The following DNAJC13 variants were observed in gnomAD, a reference collection of about 807,000 sequenced individuals.
DNAJC13 encodes the protein dnaJ homolog subfamily C member 13.
A neutral mutation model predicts 290.5 loss-of-function variants in DNAJC13; 75 were observed. The observed-to-expected ratio is 0.26, with a 90% CI of 0.21 to 0.31. The LOEUF (loss-of-function observed/expected upper bound fraction) is 0.31. Among genes scored for constraint, DNAJC13 ranks in the 10% least tolerant of loss-of-function variants. DNAJC13 has a pLI of 1.00. For missense variants in DNAJC13, 2,260 were observed against 2,674.5 expected, an observed-to-expected ratio of 0.85 and a Z score of 3.42; for synonymous variants, 862 against 892.0, an observed-to-expected ratio of 0.97 and a Z score of 0.60.
intron 8 of DNAJC13, 116 bp from the exon 9 acceptor site, chr3:132,453,950 A>T: frequency 5.7e-6 from 5 of 876,938 alleles, no homozygotes; most frequent in Non-Finnish European, 8.7e-6. Flanking sequence ...CTTATATTGT[A>T]AACAAGTCAC....
chr3:132,487,559 A>ATTTT (rs10663131), intron 29 of DNAJC13, among the ~76,000 whole-genome samples: 3,382 of 110,400 alleles, frequency 0.031, 126 homozygotes, highest in Middle Eastern at 0.064. Flanking sequence ...CCTGGCTGTA[A>ATTTT]TTTTTTTTTT....
rs531607673 is a variant in DNAJC13 at position 132,511,866 on chromosome 3, C to T, written c.5293+622C>T. On this transcript the variant is annotated intron_variant, in intron 44 of 55. Coordinates refer to ENST00000260818, the MANE Select transcript of DNAJC13 (RefSeq NM_015268.4). ...TGATACAAATTCAATTTAAATTACT[C>T]GATCTTTTAAAATAACATTGAACAT... Among the ~76,000 whole-genome samples, 7 of 152,114 alleles carry T rather than the reference C, an allele frequency of 4.6e-5. No individual in the cohort carries two copies. The East Asian group carries it at 5.8e-4, about 13-fold the overall frequency.
At chr3:132,438,474 A>G (rs1416922643) in intron 2 of DNAJC13, among the ~76,000 whole-genome samples, 1 of 152,262 alleles carries the variant, frequency 6.6e-6, no homozygotes, top group Non-Finnish European at 1.5e-5. Flanking sequence ...CTCTAGAAAC[A>G]TGTCTACGTA....
intron 1 of DNAJC13, among the ~76,000 whole-genome samples, chr3:132,427,844 C>T (rs1284413411): frequency 6.6e-6 from 1 of 152,142 alleles, no homozygotes; most frequent in Non-Finnish European, 1.5e-5. Context: ...CCCTTCGGGA[C>T]AGTTATTCCT....
Position 132,463,689 on chromosome 3 carries a change from T to G in DNAJC13, c.1771-7T>G. On this transcript the variant is annotated splice_region_variant and splice_polypyrimidine_tract_variant and intron_variant, in intron 16 of 55. Transcript: ENST00000260818. ...ACCTTAGGGATCATCTTACCCTTTTTCCAAAGGAAGGTGATAAAGAAATTG... is the reference window on the plus strand; with the variant it reads ...ACCTTAGGGATCATCTTACCCTTTTGCCAAAGGAAGGTGATAAAGAAATTG... The G allele has an allele frequency of 1.2e-6, 2 of 1,611,750 alleles. No homozygotes were observed. Among genetic ancestry groups the G allele is most frequent in the Non-Finnish European group, 8.5e-7 (1 of 1,178,598 alleles).
chr3:132,456,222 T>C lies in DNAJC13; in HGVS notation c.933-13T>C. The C allele has an allele frequency of 1.2e-6, 2 of 1,606,864 alleles. No individual in the cohort carries two copies. The highest frequency in any genetic ancestry group is 1.7e-6 in the Non-Finnish European group (2 of 1,177,816). Reference sequence around the variant, plus strand: ...CAATGCTAAAACCTTTTTTTACTTTTAATCTTACTTAGAGATTCCTTATTA... The same window carrying C: ...CAATGCTAAAACCTTTTTTTACTTTCAATCTTACTTAGAGATTCCTTATTA... On this transcript the variant is annotated splice_polypyrimidine_tract_variant and intron_variant, in intron 9 of 55. Transcript: ENST00000260818.
At chr3:132,493,388 G>A (rs1432481388) in intron 33 of DNAJC13, among the ~76,000 whole-genome samples, 1 of 151,820 alleles carries the variant, frequency 6.6e-6, no homozygotes, top group Non-Finnish European at 1.5e-5. Flanking sequence ...CCAAAAAAAG[G>A]CAGGTAGACT....
At chr3:132,493,853 A>G (rs1935142851) in intron 33 of DNAJC13, among the ~76,000 whole-genome samples, 1 of 152,146 alleles carries the variant, frequency 6.6e-6, no homozygotes, top group Non-Finnish European at 1.5e-5. Flanking sequence ...GTAAAAAAAA[A>G]TAAATCTTAA....
intron 20 of DNAJC13, among the ~76,000 whole-genome samples, chr3:132,470,813 C>A (rs549500383): frequency 7.5e-6 from 1 of 134,112 alleles, no homozygotes; most frequent in Non-Finnish European, 1.6e-5. Context: ...CACCTCCCTC[C>A]TGGACAGGGC....
chr3:132,522,103 AG>A (rs1936109233), intron 48 of DNAJC13, among the ~76,000 whole-genome samples: 1 of 152,220 alleles, frequency 6.6e-6, no homozygotes, highest in African/African-American at 2.4e-5. Flanking sequence ...GTTATGTGCC[AG>A]GGGCTGAGAA....
chr3:132,478,339 C>A (rs1270922308), intron 24 of DNAJC13, among the ~76,000 whole-genome samples, 199 bp downstream of exon 24: 1 of 152,040 alleles, frequency 6.6e-6, no homozygotes, highest in Non-Finnish European at 1.5e-5. Flanking sequence ...GTCCATGTCA[C>A]TTTATGTGTT....
At chr3:132,454,195 T>G in intron 9 of DNAJC13, 38 bp downstream of exon 9, 1 of 1,464,754 alleles carries the variant, frequency 6.8e-7, no homozygotes, top group Non-Finnish European at 9.4e-7. Context: ...ATCCTAGTTG[T>G]GCAAGGCAAA....
At chr3:132,514,847 T>C (rs2107735504) in intron 46 of DNAJC13, 177 bp downstream of exon 46, 2 of 514,036 alleles carry the variant, frequency 3.9e-6, no homozygotes, top group Non-Finnish European at 6.8e-6. Flanking sequence ...TTGCATTTCC[T>C]ATGTCAAAAG....
In DNAJC13 at chr3:132,467,296, G is replaced by C. The variant is rs1421440392; in HGVS notation, c.2191G>C (p.Gly731Arg). Residue 731 changes from glycine to arginine, a missense_variant, in exon 20 of 56, where the codon GGC (glycine) becomes CGC (arginine). Transcript: ENST00000260818. The stretch of plus-strand genomic sequence containing the variant: ...ATTGATGCACTGGAGGGATAGGATG[G>C]GCATTGCTCAAAAAGAGGTAAAAAT... ...LVLMHWRDRM[G>R]IAQKENINQK... 2.5e-6 allele frequency: 4 copies of C among 1,612,578 alleles called. No individual in the cohort carries two copies. Among genetic ancestry groups the C allele is most frequent in the African/African-American group, 1.3e-5 (1 of 74,800 alleles).
chr3:132,517,249 G>A (rs1461225109), intron 48 of DNAJC13, among the ~76,000 whole-genome samples: 3 of 152,216 alleles, frequency 2.0e-5, no homozygotes, highest in African/African-American at 7.2e-5. Context: ...AGGGGCATGA[G>A]TGTAACAACA....
chr3:132,483,053 C>T lies in DNAJC13; in HGVS notation c.2980-322C>T, dbSNP rs1054915507. 2.0e-5 allele frequency among the ~76,000 whole-genome samples: 3 copies of T among 152,122 alleles called. No homozygotes were observed. In the South Asian group the frequency reaches 6.2e-4, roughly 31 times the overall value. On this transcript the variant is annotated intron_variant, in intron 27 of 55. Transcript: ENST00000260818. ...GATCTTCAGCCTCCCAGGCTCATTT[C>T]GAATTGGGCAAAGATAGTTTTATGG...
At position 132,478,108 on chromosome 3, in the gene DNAJC13, G is replaced by A. The variant is rs376138992; in HGVS notation, c.2677G>A (p.Asp893Asn). Residue 893 changes from aspartate to asparagine, a missense_variant, in exon 24 of 56, where the codon GAT (aspartate) becomes AAT (asparagine). By Grantham distance (23) the Asp-to-Asn change is conservative. Coordinates refer to ENST00000260818, the MANE Select transcript of DNAJC13 (RefSeq NM_015268.4). ...TCACGAAGAAATAGGACCTTTTACA[G>A]ATACCAGATATATCATTGGAATGTT... ...RCHEEIGPFT[D>N]TRYIIGMLER... is the part of the protein sequence containing the mutation. 6.2e-7 allele frequency: 1 copy of A among 1,611,632 alleles called. No homozygotes were observed. The highest frequency in any genetic ancestry group is 1.3e-5 in the African/African-American group (1 of 74,852).
chr3:132,523,788 T>G, intron 51 of DNAJC13, 75 bp downstream of exon 51: 3 of 1,429,826 alleles, frequency 2.1e-6, no homozygotes, highest in East Asian at 4.7e-5. Context: ...TACAACCTTA[T>G]TCACAAAGAC....
chr3:132,454,203 A>G lies in DNAJC13; in HGVS notation c.932+46A>G, dbSNP rs778646742. The stretch of plus-strand genomic sequence containing the variant: ...TTTTGAAATCCTAGTTGTGCAAGGC[A>G]AAGTGCTTGGTCAACAAGGAAAACC... On this transcript the variant is annotated intron_variant, in intron 9 of 55. Coordinates refer to ENST00000260818, the MANE Select transcript of DNAJC13 (RefSeq NM_015268.4). The G allele has an allele frequency of 2.2e-6, 3 of 1,373,806 alleles. No individual in the cohort carries two copies. In the South Asian group the frequency reaches 3.9e-5, roughly 18 times the overall value. The allele number at this position is 1,373,806 out of a possible 1,614,324, so 85.1% of individuals were successfully genotyped here.
Sources: gnomAD v4.1 joint callset for allele counts (sites outside exome capture counted in the v4.1 genomes callset) on GRCh38, gnomAD v4.1.1 for gene constraint, MANE v1.5 for transcripts, NCBI Gene and HGNC (gene_info 2026-07-23, HGNC 2026-07-21) for gene names.